The following LRMDA variants were observed in gnomAD, a reference collection of about 807,000 sequenced individuals.
The protein encoded by LRMDA is leucine-rich melanocyte differentiation-associated protein.
LRMDA carries 18 observed loss-of-function variants against 29.8 expected under a neutral mutation model. That is an observed-to-expected ratio of 0.60 (90% confidence interval 0.42 to 0.90). The LOEUF is 0.90. Among genes scored for constraint, LRMDA ranks in the 40% least tolerant of loss-of-function variants. LRMDA has a pLI of 0.00. For missense variants in LRMDA, 273 were observed against 273.9 expected (o/e 1.00, Z 0.02); for synonymous variants, 125 against 109.4 (o/e 1.14, Z -0.89).
intron 5 of LRMDA, among the ~76,000 whole-genome samples, chr10:76,091,880 T>TG (rs1027168125): frequency 6.6e-6 from 1 of 152,026 alleles, no homozygotes; most frequent in African/African-American, 2.4e-5. Context: ...TTTGTATAGA[T>TG]GGGGTCTATG....
At chr10:75,882,244 AT>A (rs372080029) in intron 2 of LRMDA, among the ~76,000 whole-genome samples, 20 of 152,106 alleles carry the variant, frequency 1.3e-4, no homozygotes, top group African/African-American at 3.6e-4. Flanking sequence ...CAGGAATCTT[AT>A]TTTTTTTAAA....
At chr10:75,441,710 A>G (rs1844328338) in intron 2 of LRMDA, among the ~76,000 whole-genome samples, 1 of 152,070 alleles carries the variant, frequency 6.6e-6, no homozygotes, top group African/African-American at 2.4e-5. Context: ...CCTTTGTTAT[A>G]TATAAAAAAA....
intron 2 of LRMDA, among the ~76,000 whole-genome samples, chr10:75,706,540 G>T (rs1842371715): frequency 6.6e-6 from 1 of 152,132 alleles, no homozygotes; most frequent in African/African-American, 2.4e-5. Context: ...AAGTCATGTG[G>T]ATGATACTAT....
chr10:76,515,515 C>CT (rs1057028503), intron 6 of LRMDA, among the ~76,000 whole-genome samples: 6 of 151,382 alleles, frequency 4.0e-5, no homozygotes, highest in South Asian at 2.1e-4. Flanking sequence ...CTTTTTTTCT[C>CT]TTTTTTTTGA....
In LRMDA at chr10:76,500,202, G is replaced by A. The variant is rs1483384113; in HGVS notation, c.602-57007G>A. Among the ~76,000 whole-genome samples the A allele has an allele frequency of 3.9e-5, 3 of 75,990 alleles. 1 individual carries two copies. Among genetic ancestry groups the A allele is most frequent in the African/African-American group, 9.6e-5 (3 of 31,290 alleles). 49.9% of individuals were successfully genotyped at this position (75,990 alleles called of 152,430 possible). On this transcript the variant is annotated intron_variant, in intron 6 of 6. Coordinates refer to ENST00000611255, the MANE Select transcript of LRMDA (RefSeq NM_001305581.2). ...GTTTTATATTTTAAAAGCTAAGCACGCTTACTGCAGAAGAATATATAAAAC... is the reference window on the plus strand; with the variant it reads ...GTTTTATATTTTAAAAGCTAAGCACACTTACTGCAGAAGAATATATAAAAC...
intron 5 of LRMDA, among the ~76,000 whole-genome samples, chr10:76,062,823 C>A (rs1427224041): frequency 1.3e-5 from 2 of 152,064 alleles, no homozygotes; most frequent in Non-Finnish European, 2.9e-5. Flanking sequence ...GAACACCACA[C>A]TGGATACAGA....
At position 75,673,206 on chromosome 10, in the gene LRMDA, G is replaced by A. The variant is rs1427648749; in HGVS notation, c.131+234712G>A. ...ATGTTCTATGGAACCTTTCAAGTGG[G>A]CTGTGGGGTTGAAGGTAAAATCATT... On this transcript the variant is annotated intron_variant, in intron 2 of 6. Transcript: ENST00000611255. Among the ~76,000 whole-genome samples the A allele has an allele frequency of 2.0e-5, 3 of 152,084 alleles. No individual in the cohort carries two copies. The South Asian group carries it at 6.2e-4, about 32-fold the overall frequency.
At chr10:76,301,863 AATATCACAGACTTGGTAATTGTTCAT>A (rs1405334635) in intron 5 of LRMDA, among the ~76,000 whole-genome samples, 2 of 152,230 alleles carry the variant, frequency 1.3e-5, no homozygotes, top group African/African-American at 4.8e-5. Flanking sequence ...TTATTTGTGC[AATATCACAGACTTGGTAATTGTTCAT>A]GTTGTTGAGC....
At chr10:75,907,062 G>A (rs570708595) in intron 2 of LRMDA, among the ~76,000 whole-genome samples, 6 of 152,316 alleles carry the variant, frequency 3.9e-5, no homozygotes, top group African/African-American at 7.2e-5. Flanking sequence ...ACTCTTGGAC[G>A]TAGGAGTTTC....
chr10:76,390,504 C>CAAA (rs1287185717), intron 6 of LRMDA, among the ~76,000 whole-genome samples: 1,054 of 95,198 alleles, frequency 0.011, 8 homozygotes, highest in African/African-American at 0.034. Flanking sequence ...TTAAGCAGAA[C>CAAA]AAAAAAAAAA....
chr10:75,903,279 G>A (rs1344685152), intron 2 of LRMDA, among the ~76,000 whole-genome samples: 1 of 152,206 alleles, frequency 6.6e-6, no homozygotes, highest in South Asian at 2.1e-4. Flanking sequence ...GGGTAACTGA[G>A]CACAGGTCAG....
In LRMDA at chr10:75,782,114, G is replaced by T. The variant is rs577434168; in HGVS notation, c.132-253894G>T. Among the ~76,000 whole-genome samples the T allele has an allele frequency of 9.9e-5, 15 of 152,282 alleles. 1 individual carries two copies. In the South Asian group the frequency reaches 2.9e-3, roughly 29 times the overall value. ...AAGGAATTGTTGATGACCTGCTGAG[G>T]TATTTTCATTTTGTTCCTGGAAATG... On this transcript the variant is annotated intron_variant, in intron 2 of 6. Coordinates refer to ENST00000611255, the MANE Select transcript of LRMDA (RefSeq NM_001305581.2).
At chr10:75,946,813 A>C (rs1342069553) in intron 2 of LRMDA, among the ~76,000 whole-genome samples, 1 of 151,976 alleles carries the variant, frequency 6.6e-6, no homozygotes, top group Non-Finnish European at 1.5e-5. Context: ...TCGGCCACTC[A>C]CCTTAGGCAG....
rs1363819286 is a variant in LRMDA at position 76,365,289 on chromosome 10, G to A, written c.601+40804G>A. 2.0e-5 allele frequency among the ~76,000 whole-genome samples: 3 copies of A among 151,662 alleles called. No homozygotes were observed. The East Asian group carries it at 5.8e-4, about 29-fold the overall frequency. ...AGTAGTGGGGTTGCTGGATCAAATG[G>A]TAGTTCTACTTTTAGTTCTTTAAGG... On this transcript the variant is annotated intron_variant, in intron 6 of 6. Coordinates refer to ENST00000611255, the MANE Select transcript of LRMDA (RefSeq NM_001305581.2).
intron 6 of LRMDA, among the ~76,000 whole-genome samples, chr10:76,336,244 C>A (rs1246750391): frequency 6.6e-6 from 1 of 151,348 alleles, no homozygotes; most frequent in Admixed American, 6.6e-5. Context: ...TATGTCAGTG[C>A]TGGTTCAGCT....
intron 2 of LRMDA, among the ~76,000 whole-genome samples, chr10:75,724,298 C>T (rs1169891397): frequency 2.0e-5 from 3 of 152,300 alleles, no homozygotes; most frequent in East Asian, 1.9e-4. Flanking sequence ...AATTTGTAGA[C>T]GTTTCACAGA....
At chr10:75,819,608 A>G (rs572628726) in intron 2 of LRMDA, among the ~76,000 whole-genome samples, 1 of 152,260 alleles carries the variant, frequency 6.6e-6, no homozygotes, top group Admixed American at 6.5e-5. Context: ...ATAAATTTTC[A>G]TACTCCAGTG....
chr10:75,706,244 T>A (rs1293913633), intron 2 of LRMDA, among the ~76,000 whole-genome samples: 2 of 89,042 alleles, frequency 2.2e-5, no homozygotes, highest in Non-Finnish European at 5.0e-5. Flanking sequence ...TTCTCACATA[T>A]TTTTTTTTTG....
At chr10:75,680,294 G>A (rs749501803) in intron 2 of LRMDA, among the ~76,000 whole-genome samples, 9 of 152,194 alleles carry the variant, frequency 5.9e-5, no homozygotes, top group Non-Finnish European at 1.3e-4. Context: ...TAGCCAGTTG[G>A]ACTCCATTCT....
Sources: allele counts gnomAD v4.1 joint callset (sites outside exome capture counted in the v4.1 genomes callset), GRCh38; gene constraint gnomAD v4.1.1; transcripts MANE v1.5; gene names NCBI Gene and HGNC (gene_info 2026-07-23, HGNC 2026-07-21).